Variants in STXBP5L observed in about 807,000 individuals in gnomAD.
STXBP5L encodes syntaxin-binding protein 5-like.
Under a neutral mutation model 144.5 loss-of-function variants are expected in STXBP5L, and 65 were observed. The observed-to-expected ratio is 0.45, with a 90% CI of 0.37 to 0.55. The LOEUF (loss-of-function observed/expected upper bound fraction) is 0.55. STXBP5L is among the 20% of genes least tolerant of loss of function. The pLI is 0.00. For missense variants in STXBP5L, 1,298 were observed against 1,405.5 expected, an observed-to-expected ratio of 0.92 and a Z score of 1.22; for synonymous variants, 505 against 469.6, an observed-to-expected ratio of 1.08 and a Z score of -0.97.
At position 121,257,135 on chromosome 3, in the gene STXBP5L, T is replaced by C. The variant is rs1482746462; in HGVS notation, c.1660-26T>C. 10 of 1,533,242 alleles carry C rather than the reference T, an allele frequency of 6.5e-6. No individual in the cohort carries two copies. The East Asian group carries it at 6.8e-5, about 10-fold the overall frequency. The allele number at this position is 1,533,242 out of a possible 1,614,324, so 95.0% of individuals were successfully genotyped here. A position where few individuals can be genotyped will look rare whatever the true frequency, so the allele number is the denominator to read the frequency against. ...ACGATGATTATTAGTGTGACTTAAA[T>C]TAAATTTAAACTTGATTTTTTTAAG... On this transcript the variant is annotated intron_variant, in intron 16 of 26. Transcript: ENST00000471454.
chr3:121,332,563 A>C (rs2044355730), intron 20 of STXBP5L, among the ~76,000 whole-genome samples: 1 of 152,002 alleles, frequency 6.6e-6, no homozygotes, highest in Non-Finnish European at 1.5e-5. Context: ...TCAAACAAAA[A>C]TAAAACAAAA....
chr3:121,018,790 G>A (rs1945327079), intron 3 of STXBP5L, among the ~76,000 whole-genome samples: 1 of 152,194 alleles, frequency 6.6e-6, no homozygotes. Flanking sequence ...TGGATGGACA[G>A]AACAGCATGT....
chr3:121,149,528 A>C (rs1247360923), intron 7 of STXBP5L, among the ~76,000 whole-genome samples: 1 of 152,084 alleles, frequency 6.6e-6, no homozygotes, highest in Non-Finnish European at 1.5e-5. Flanking sequence ...AATTAGAAAA[A>C]AATAAAGTAG....
chr3:121,278,680 G>T (rs2050956972), intron 18 of STXBP5L, among the ~76,000 whole-genome samples: 1 of 151,794 alleles, frequency 6.6e-6, no homozygotes, highest in South Asian at 2.1e-4. Context: ...ACTCATAAAA[G>T]CTCTGTGAAC....
chr3:121,064,884 A>G (rs372238722), intron 5 of STXBP5L, among the ~76,000 whole-genome samples: 2 of 152,108 alleles, frequency 1.3e-5, no homozygotes, highest in African/African-American at 2.4e-5. Context: ...TCCGTCTAGT[A>G]TGTAGTTTGC....
chr3:121,138,348 GA>G (rs1242924442), intron 7 of STXBP5L, among the ~76,000 whole-genome samples: 1 of 151,978 alleles, frequency 6.6e-6, no homozygotes, highest in Non-Finnish European at 1.5e-5. Context: ...GTGATCTATA[GA>G]TTCAATACAG....
At chr3:121,374,843 G>A (rs1351645621) in intron 20 of STXBP5L, among the ~76,000 whole-genome samples, 1 of 152,056 alleles carries the variant, frequency 6.6e-6, no homozygotes, top group African/African-American at 2.4e-5. Flanking sequence ...GGAAAGCCTA[G>A]GAGTTGTGGA....
chr3:121,250,162 A>G (rs1247068455), intron 14 of STXBP5L, among the ~76,000 whole-genome samples: 1 of 151,838 alleles, frequency 6.6e-6, no homozygotes, highest in African/African-American at 2.4e-5. Context: ...TCTTCTTGTA[A>G]TGTTTTTATG....
intron 3 of STXBP5L, among the ~76,000 whole-genome samples, chr3:121,035,372 G>T (rs1946679313): frequency 6.6e-6 from 1 of 152,094 alleles, no homozygotes; most frequent in African/African-American, 2.4e-5. Context: ...ACTCCATCTT[G>T]AGTTGGTTTT....
rs1298639437 is a variant in STXBP5L, at chr3:121,053,077, T to G, written c.470+7542T>G. ...CTCTTCAAGGAGAACTACAAACCAC[T>G]GCTCAAGGAAATAGAGGATACAAAC... On this transcript the variant is annotated intron_variant, in intron 5 of 26. Coordinates refer to ENST00000471454, the MANE Select transcript of STXBP5L (RefSeq NM_001308330.2). Among the ~76,000 whole-genome samples, 3 of 152,274 alleles carry G rather than the reference T, an allele frequency of 2.0e-5. No individual in the cohort carries two copies. In the East Asian group the frequency reaches 5.8e-4, roughly 29 times the overall value.
At chr3:121,140,630 C>G (rs1208170021) in intron 7 of STXBP5L, among the ~76,000 whole-genome samples, 2 of 151,992 alleles carry the variant, frequency 1.3e-5, no homozygotes, top group Admixed American at 1.3e-4. Flanking sequence ...GGAAATAAGC[C>G]AGAAACAGAA....
intron 5 of STXBP5L, among the ~76,000 whole-genome samples, chr3:121,073,822 C>A (rs956279665): frequency 1.3e-5 from 2 of 152,182 alleles, no homozygotes; most frequent in Non-Finnish European, 2.9e-5. Flanking sequence ...CTGCACTTGT[C>A]GCCTAGTGTC....
At chr3:121,170,053 C>T (rs1312423482) in intron 9 of STXBP5L, among the ~76,000 whole-genome samples, 1 of 152,100 alleles carries the variant, frequency 6.6e-6, no homozygotes, top group Non-Finnish European at 1.5e-5. Flanking sequence ...CAATCAAAAC[C>T]GCACAACTAC....
chr3:121,179,832 A>G (rs1268218311), intron 9 of STXBP5L, among the ~76,000 whole-genome samples: 2 of 152,182 alleles, frequency 1.3e-5, no homozygotes, highest in African/African-American at 4.8e-5. Context: ...AGTAGAAGAA[A>G]GAACTTCAGA....
rs1036973658 is a variant in STXBP5L, at chr3:121,233,554, A to G, written c.1112-62A>G. 4.8e-6 allele frequency: 6 copies of G among 1,262,008 alleles called. No homozygotes were observed. In the African/African-American group the frequency reaches 6.1e-5, roughly 13 times the overall value. 78.2% of individuals were successfully genotyped at this position (1,262,008 alleles called of 1,614,324 possible). On this transcript the variant is annotated intron_variant, in intron 11 of 26. Coordinates refer to ENST00000471454, the MANE Select transcript of STXBP5L (RefSeq NM_001308330.2). Reference sequence around the variant, plus strand: ...TTTGTATAGGGATAAAGGAAATGCAATTTTGCTGATTTTATAGTATATACA... The same window carrying G: ...TTTGTATAGGGATAAAGGAAATGCAGTTTTGCTGATTTTATAGTATATACA...
At chr3:121,121,317 C>A (rs1458105065) in intron 6 of STXBP5L, among the ~76,000 whole-genome samples, 1 of 151,084 alleles carries the variant, frequency 6.6e-6, no homozygotes, top group East Asian at 1.9e-4. Context: ...GTTCTTTTAT[C>A]TATGTAAATA....
intron 5 of STXBP5L, among the ~76,000 whole-genome samples, chr3:121,073,020 G>A (rs2041870583): frequency 6.6e-6 from 1 of 152,188 alleles, no homozygotes; most frequent in South Asian, 2.1e-4. Flanking sequence ...CTGGCAGAGG[G>A]CGGGCTTCGG....
intron 19 of STXBP5L, among the ~76,000 whole-genome samples, chr3:121,313,289 G>T (rs550519122): frequency 7.0e-6 from 1 of 142,044 alleles, no homozygotes; most frequent in Non-Finnish European, 1.6e-5. Flanking sequence ...CAGTAGGGGC[G>T]GCTGGGCAGA....
intron 3 of STXBP5L, among the ~76,000 whole-genome samples, chr3:120,964,262 T>C (rs1939269030): frequency 6.6e-6 from 1 of 152,210 alleles, no homozygotes; most frequent in Non-Finnish European, 1.5e-5. Context: ...GTTTTTTGTG[T>C]CTCTATCTCC....
Sources: allele counts gnomAD v4.1 joint callset (sites outside exome capture counted in the v4.1 genomes callset), GRCh38; gene constraint gnomAD v4.1.1; transcripts MANE v1.5; gene names NCBI Gene and HGNC (gene_info 2026-07-23, HGNC 2026-07-21).